SRBD1: variants seen among roughly 807,000 people sequenced by gnomAD.
SRBD1 encodes the protein S1 RNA-binding domain-containing protein 1.
Under a neutral mutation model 115.3 loss-of-function variants are expected in SRBD1, and 88 were observed. That is an observed-to-expected ratio of 0.76 (90% CI 0.64 to 0.91). The LOEUF is 0.91. Ranked by LOEUF, SRBD1 falls within the 40% of genes least tolerant of loss-of-function variation. SRBD1 has a pLI of 0.00. For missense variants in SRBD1, 1,385 were observed against 1,177.4 expected (o/e 1.18, Z -2.58); for synonymous variants, 509 against 407.7 (o/e 1.25, Z -2.99).
intron 18 of SRBD1, 123 bp from the exon 19 acceptor site, chr2:45,413,416 C>G: frequency 8.8e-7 from 1 of 1,134,316 alleles, no homozygotes; most frequent in Non-Finnish European, 1.2e-6. Flanking sequence ...CAGATTTTGA[C>G]CTTTTACTTC....
chr2:45,604,448 G>C (rs1674202159), intron 2 of SRBD1, among the ~76,000 whole-genome samples: 1 of 152,084 alleles, frequency 6.6e-6, no homozygotes, highest in Non-Finnish European at 1.5e-5. Context: ...TTAGAGGGTG[G>C]TGAGAAGAGA....
At chr2:45,456,854 T>A (rs1291893976) in intron 16 of SRBD1, among the ~76,000 whole-genome samples, 1 of 151,914 alleles carries the variant, frequency 6.6e-6, no homozygotes, top group Non-Finnish European at 1.5e-5. Flanking sequence ...TAACTCTGGA[T>A]TAGGGCACGT....
intron 19 of SRBD1, among the ~76,000 whole-genome samples, chr2:45,397,931 G>C (rs775069290): frequency 2.6e-5 from 4 of 152,142 alleles, no homozygotes; most frequent in Non-Finnish European, 4.4e-5. Flanking sequence ...GTTAAACCAA[G>C]ATACTGAAAT....
intron 18 of SRBD1, among the ~76,000 whole-genome samples, chr2:45,414,473 T>A (rs1667704863): frequency 6.9e-6 from 1 of 144,252 alleles, no homozygotes; most frequent in Non-Finnish European, 1.5e-5. Context: ...AGTGTGTATA[T>A]AGTGTGTGTG....
intron 14 of SRBD1, among the ~76,000 whole-genome samples, chr2:45,524,774 T>C (rs930601774): frequency 6.6e-6 from 1 of 152,050 alleles, no homozygotes; most frequent in East Asian, 1.9e-4. Context: ...TTGATTTCTT[T>C]GGAGAAATTG....
chr2:45,579,111 C>CT (rs1673268141), intron 7 of SRBD1, among the ~76,000 whole-genome samples: 1 of 151,886 alleles, frequency 6.6e-6, no homozygotes, highest in Admixed American at 6.5e-5. Flanking sequence ...CCAAAGTTGT[C>CT]ACTCTAAGAC....
intron 14 of SRBD1, among the ~76,000 whole-genome samples, chr2:45,493,317 A>C (rs1377666793): frequency 1.3e-5 from 2 of 152,244 alleles, no homozygotes. Context: ...CTGAAGTATC[A>C]AAAGAATAGC....
intron 16 of SRBD1, among the ~76,000 whole-genome samples, chr2:45,435,181 C>A (rs1425822628): frequency 6.6e-6 from 1 of 152,062 alleles, no homozygotes; most frequent in African/African-American, 2.4e-5. Context: ...CACTGATGGA[C>A]ATCTGGGTTG....
rs1674110764 is a variant in SRBD1 at position 45,602,044 on chromosome 2, G to A, written c.120C>T (p.Ala40=). ...ASEEDDKEDS[A]WEPQKKVPRS... ...TGGGAACTTTCTTTTGGGGCTCCCAGGCACTATCTTCCTTGTCATCTTCTT... is the reference window on the plus strand; with the variant it reads ...TGGGAACTTTCTTTTGGGGCTCCCAAGCACTATCTTCCTTGTCATCTTCTT... The change falls in exon 3 of 21, where the codon GCC becomes GCT. Residue 40 remains alanine, a synonymous_variant. Transcript: ENST00000263736. 2.5e-6 allele frequency: 4 copies of A among 1,614,068 alleles called. No individual in the cohort carries two copies. Among genetic ancestry groups the A allele is most frequent in the Non-Finnish European group, 3.4e-6 (4 of 1,179,972 alleles).
intron 14 of SRBD1, among the ~76,000 whole-genome samples, chr2:45,504,742 G>A (rs1401150121): frequency 6.6e-6 from 1 of 152,012 alleles, no homozygotes; most frequent in Non-Finnish European, 1.5e-5. Flanking sequence ...TAGATGGCTC[G>A]AGGGGGAAAA....
At chr2:45,545,735 A>G (rs1315294705) in intron 14 of SRBD1, among the ~76,000 whole-genome samples, 2 of 152,292 alleles carry the variant, frequency 1.3e-5, no homozygotes, top group South Asian at 4.1e-4. Flanking sequence ...TTGAATCATG[A>G]TCCCATGGCA....
At chr2:45,565,285 C>T (rs1180104600) in intron 9 of SRBD1, among the ~76,000 whole-genome samples, 1 of 152,122 alleles carries the variant, frequency 6.6e-6, no homozygotes, top group African/African-American at 2.4e-5. Flanking sequence ...TAAGGATAGA[C>T]ATACAATGGA....
At chr2:45,471,559 T>G (rs943506498) in intron 16 of SRBD1, among the ~76,000 whole-genome samples, 1 of 152,156 alleles carries the variant, frequency 6.6e-6, no homozygotes, top group Non-Finnish European at 1.5e-5. Context: ...AAATGCATTT[T>G]TACAAGTGCA....
intron 14 of SRBD1, among the ~76,000 whole-genome samples, chr2:45,502,103 CA>C (rs1205948365): frequency 6.6e-6 from 1 of 152,202 alleles, no homozygotes; most frequent in Non-Finnish European, 1.5e-5. Flanking sequence ...TCCAGAGGAA[CA>C]ATCAGGCAGC....
chr2:45,575,561 C>T (rs1303116939), intron 7 of SRBD1, among the ~76,000 whole-genome samples: 1 of 152,076 alleles, frequency 6.6e-6, no homozygotes, highest in African/African-American at 2.4e-5. Context: ...TAATAAGGTA[C>T]AAAAGCCAAA....
chr2:45,406,184 G>A (rs553687620), intron 19 of SRBD1, among the ~76,000 whole-genome samples: 1 of 152,282 alleles, frequency 6.6e-6, no homozygotes, highest in Admixed American at 6.5e-5. Context: ...GTCCTCAGCA[G>A]CAACCTGGCA....
intron 7 of SRBD1, among the ~76,000 whole-genome samples, chr2:45,577,789 G>C (rs1476808446): frequency 6.6e-6 from 1 of 151,604 alleles, no homozygotes; most frequent in Non-Finnish European, 1.5e-5. Flanking sequence ...AGGAGGAGGA[G>C]ACAAAGAGAA....
At chr2:45,409,515 CAA>C (rs59849294) in intron 19 of SRBD1, among the ~76,000 whole-genome samples, 139 of 117,884 alleles carry the variant, frequency 1.2e-3, no homozygotes, top group Non-Finnish European at 2.0e-3. Context: ...TTGCAATAGG[CAA>C]AAAAAAAAAA....
chr2:45,584,938 G>C (rs1673471380), intron 5 of SRBD1, among the ~76,000 whole-genome samples: 1 of 152,248 alleles, frequency 6.6e-6, no homozygotes, highest in South Asian at 2.1e-4. Context: ...ATCACTTAAG[G>C]CCAAGAGTTC....
Sources: allele counts gnomAD v4.1 joint callset (sites outside exome capture counted in the v4.1 genomes callset), GRCh38; gene constraint gnomAD v4.1.1; transcripts MANE v1.5; gene names NCBI Gene and HGNC (gene_info 2026-07-23, HGNC 2026-07-21).